Variants in COL18A1 observed in about 807,000 individuals in gnomAD.
The protein encoded by COL18A1 is collagen alpha-1(XVIII) chain.
Under a neutral mutation model 168.0 loss-of-function variants are expected in COL18A1, and 133 were observed. The observed-to-expected ratio is 0.79, with a 90% CI of 0.69 to 0.91. The LOEUF (loss-of-function observed/expected upper bound fraction) is 0.91. COL18A1 is among the 40% of genes least tolerant of loss of function. COL18A1 has a pLI of 0.00. For missense variants in COL18A1, 2,126 were observed against 1,925.4 expected (o/e 1.10, Z -1.95); for synonymous variants, 949 against 809.0 (o/e 1.17, Z -2.94).
chr21:45,468,252 C>T lies in COL18A1; in HGVS notation c.117C>T (p.Ser39=), dbSNP rs781082227. 106 of 1,612,928 alleles carry T rather than the reference C, an allele frequency of 6.6e-5. 1 individual carries two copies. The highest frequency in any genetic ancestry group is 1.6e-4 in the Middle Eastern group (1 of 6,082). Residue 39 remains serine, a synonymous_variant, in exon 3 of 42, where the codon AGC becomes AGT. Transcript: ENST00000651438. ...RAASAEPERI[S]EEVGLLQLLG... Reference sequence around the variant, plus strand: ...TCTTTCTTTTTGCAGAGCGCATCAGCGAGGAGGTGGGGCTGCTGCAGCTCC... The same window carrying T: ...TCTTTCTTTTTGCAGAGCGCATCAGTGAGGAGGTGGGGCTGCTGCAGCTCC...
intron 37 of COL18A1, 161 bp from the exon 38 acceptor site, chr21:45,507,400 C>T (rs2146101288): frequency 1.6e-6 from 1 of 610,188 alleles, no homozygotes. Flanking sequence ...GGGAGCGTAC[C>T]CTGGCACAGG....
rs2035870659 is a variant in COL18A1 at position 45,480,946 on chromosome 21, T to A, written c.1611+88T>A. 5.9e-6 allele frequency: 9 copies of A among 1,514,850 alleles called. No homozygotes were observed. In the Admixed American group the frequency reaches 1.6e-4, roughly 26 times the overall value. 93.8% of individuals were successfully genotyped at this position (1,514,850 alleles called of 1,614,324 possible). Reference sequence around the variant, plus strand: ...CCCACATGGGAGCCCCTGCCCCGCCTCAGGCCTCCCCAGTCCCCGCCTCCT... The same window carrying A: ...CCCACATGGGAGCCCCTGCCCCGCCACAGGCCTCCCCAGTCCCCGCCTCCT... On this transcript the variant is annotated intron_variant, in intron 13 of 41. Transcript: ENST00000651438.
Position 45,498,385 on chromosome 21 carries a change from G to A in COL18A1, c.2683+724G>A, listed in dbSNP as rs779037894. On this transcript the variant is annotated intron_variant, in intron 32 of 41. Transcript: ENST00000651438. This position sits in a 1 kb window ranked among gnomAD's most constrained non-coding sequence, Gnocchi z 4.5. ...CTCGCCACCACGGTCCCCTCTCGCC[G>A]CCAGGGTCCCCTCTCGCCGCCAGGG... 5.2e-4 allele frequency: 344 copies of A among 657,208 alleles called. 1 individual carries two copies. Among genetic ancestry groups the A allele is most frequent in the Non-Finnish European group, 8.2e-4 (293 of 355,754 alleles). The allele number at this position is 657,208 out of a possible 1,614,324, so 40.7% of individuals were successfully genotyped here. A position where few individuals can be genotyped will look rare whatever the true frequency, so the allele number is the denominator to read the frequency against.
At chr21:45,461,598 G>A (rs999951004) in intron 2 of COL18A1, among the ~76,000 whole-genome samples, 7 of 150,486 alleles carry the variant, frequency 4.7e-5, no homozygotes, top group East Asian at 1.9e-4. Context: ...GGCCCCCCTC[G>A]AGGCTTCCTT....
At chr21:45,475,840 C>T (rs1234748453) in intron 5 of COL18A1, among the ~76,000 whole-genome samples, 1 of 152,254 alleles carries the variant, frequency 6.6e-6, no homozygotes, top group Non-Finnish European at 1.5e-5. Context: ...TCGCCCCATC[C>T]CTCCGTTAGC....
intron 40 of COL18A1, among the ~76,000 whole-genome samples, chr21:45,510,695 G>A (rs555161439): frequency 5.3e-5 from 8 of 152,270 alleles, no homozygotes; most frequent in South Asian, 2.1e-4. Context: ...GCCCCTTTTC[G>A]TGCACTGGGC....
At position 45,505,880 on chromosome 21, in the gene COL18A1, C is replaced by T. The variant is rs2146087846; in HGVS notation, c.3130C>T (p.His1044Tyr). The change falls in exon 37 of 42, where the codon CAC (histidine) becomes TAC (tyrosine). Residue 1044 changes from histidine (H) to tyrosine (Y), a missense_variant. Physicochemically the swap from His to Tyr is moderately conservative, Grantham distance 83 (BLOSUM62 2). Transcript: ENST00000651438. The stretch of plus-strand genomic sequence containing the variant: ...ACGCCAGGCCATGCTGGGCCAGGTG[C>T]ACGAGGTTCCCGAGGGCTGGCTCAT... ...ATRQAMLGQVHEVPEGWLIFV... is the reference protein window; with the variant it reads ...ATRQAMLGQVYEVPEGWLIFV... The T allele has an allele frequency of 6.2e-7, 1 of 1,611,616 alleles. No individual in the cohort carries two copies. The highest frequency in any genetic ancestry group is 8.5e-7 in the Non-Finnish European group (1 of 1,179,550).
At chr21:45,406,867 C>T (rs536775348) in intron 2 of COL18A1, among the ~76,000 whole-genome samples, 3 of 152,354 alleles carry the variant, frequency 2.0e-5, no homozygotes, top group Non-Finnish European at 2.9e-5. Flanking sequence ...ATCTTGAGAT[C>T]TAAGAGTGGG....
intron 32 of COL18A1, among the ~76,000 whole-genome samples, chr21:45,499,243 A>G (rs552045938): frequency 1.8e-4 from 28 of 152,092 alleles, no homozygotes; most frequent in Non-Finnish European, 3.5e-4. Flanking sequence ...CAGCCACTCC[A>G]GACCCGAGCT....
rs370145729 is a variant in COL18A1, at chr21:45,491,008, CAG to C, written c.2067+138_2067+139del. ...CTCAGGGCAAAGACCCTCAAGTTGACAGGGGTGGCTTTCAGGCTGGGGGCAGC... is the reference window on the plus strand; with the variant it reads ...CTCAGGGCAAAGACCCTCAAGTTGACGGGTGGCTTTCAGGCTGGGGGCAGC... On this transcript the variant is annotated intron_variant, in intron 21 of 41. Transcript: ENST00000651438. 876 of 942,196 alleles carry C rather than the reference CAG, an allele frequency of 9.3e-4. No individual in the cohort carries two copies. In the African/African-American group the frequency reaches 0.013, roughly 14 times the overall value. The allele number at this position is 942,196 out of a possible 1,614,324, so 58.4% of individuals were successfully genotyped here.
chr21:45,467,249 TG>T, intron 2 of COL18A1: 1 of 985,404 alleles, frequency 1.0e-6, no homozygotes, highest in Admixed American at 6.1e-5. Context: ...GGCTGCGTCC[TG>T]GCTTGGGCTC....
chr21:45,463,758 A>T lies in COL18A1; in HGVS notation c.107-4484A>T, dbSNP rs140333350. Among the ~76,000 whole-genome samples the T allele has an allele frequency of 3.9e-5, 6 of 152,150 alleles. No individual in the cohort carries two copies. Among genetic ancestry groups the T allele is most frequent in the African/African-American group, 1.4e-4 (6 of 41,494 alleles). ...ACTAACAATACAAAATTAGCTGGGT[A>T]TGGTGGTGCATGCCTGTAATCCTAG... On this transcript the variant is annotated intron_variant, in intron 2 of 41. Transcript: ENST00000651438. The surrounding 1 kb of genome is among the most constrained non-coding windows in gnomAD (Gnocchi z 4.0).
chr21:45,508,529 G>T (rs551959195), intron 38 of COL18A1, among the ~76,000 whole-genome samples: 1 of 152,068 alleles, frequency 6.6e-6, no homozygotes, highest in South Asian at 2.1e-4. Flanking sequence ...TGGATGGGTG[G>T]GTGGATGGAT....
Position 45,507,542 on chromosome 21 carries a change from C to A in COL18A1, c.3217-19C>A. ...AGGCCCAGCCGCAGGTCCTGGGTGA[C>A]CCTGCTGCTTTCTTCCAGCTGGAGG... is the stretch of plus-strand genomic sequence containing the variant. On this transcript the variant is annotated intron_variant, in intron 37 of 41. Coordinates refer to ENST00000651438, the MANE Select transcript of COL18A1 (RefSeq NM_001379500.1). 6.2e-7 allele frequency: 1 copy of A among 1,610,898 alleles called. No homozygotes were observed. The highest frequency in any genetic ancestry group is 8.5e-7 in the Non-Finnish European group (1 of 1,179,150).
intron 38 of COL18A1, among the ~76,000 whole-genome samples, chr21:45,508,803 C>T (rs1157020883): frequency 6.6e-6 from 1 of 152,180 alleles, no homozygotes; most frequent in East Asian, 1.9e-4. Flanking sequence ...GGGTAACACA[C>T]AGCCTGGCCC....
chr21:45,414,899 A>G (rs4819099), intron 2 of COL18A1, among the ~76,000 whole-genome samples: 116,865 of 152,006 alleles, frequency 0.77, 44,952 homozygotes, highest in East Asian at 0.87. Flanking sequence ...GGTGGGCCCC[A>G]CGTCATTACG....
chr21:45,472,980 T>C (rs1212505068), intron 3 of COL18A1, among the ~76,000 whole-genome samples: 1 of 152,194 alleles, frequency 6.6e-6, no homozygotes, highest in Non-Finnish European at 1.5e-5. Flanking sequence ...CCAGCCGGCA[T>C]GGGGAGCCCC....
intron 32 of COL18A1, chr21:45,502,406 C>T (rs1190308751): frequency 1.3e-5 from 2 of 152,164 alleles, no homozygotes; most frequent in African/African-American, 4.8e-5. Flanking sequence ...TTAAGTAGTA[C>T]CTGTTTCTAC....
chr21:45,475,269 C>T (rs1391345779), intron 4 of COL18A1, among the ~76,000 whole-genome samples: 2 of 152,200 alleles, frequency 1.3e-5, no homozygotes, highest in Non-Finnish European at 2.9e-5. Flanking sequence ...CGATTGGACA[C>T]GACTTACTGA....
Sources: gnomAD v4.1 joint callset for allele counts (sites outside exome capture counted in the v4.1 genomes callset) on GRCh38, gnomAD v4.1.1 for gene constraint, Gnocchi (gnomAD v3.1) non-coding constraint, MANE v1.5 for transcripts, NCBI Gene and HGNC (gene_info 2026-07-23, HGNC 2026-07-21) for gene names.